RBMS1: variants seen among roughly 807,000 people sequenced by gnomAD.
RBMS1 encodes the protein RNA binding motif single stranded interacting protein 1.
A neutral mutation model predicts 62.3 loss-of-function variants in RBMS1; 17 were observed. The observed-to-expected ratio is 0.27, with a 90% CI of 0.19 to 0.41. The LOEUF is 0.41. RBMS1 is among the 10% of genes least tolerant of loss of function. The pLI, the probability that RBMS1 is intolerant of heterozygous loss-of-function variation, is 1.00. For missense variants in RBMS1, 334 were observed against 504.5 expected (o/e 0.66, Z 3.24); for synonymous variants, 172 against 170.0 (o/e 1.01, Z -0.09).
intron 1 of RBMS1, among the ~76,000 whole-genome samples, chr2:160,397,034 C>T (rs935805785): frequency 9.2e-5 from 14 of 152,162 alleles, no homozygotes; most frequent in Non-Finnish European, 1.9e-4. Flanking sequence ...TCTCAATTTT[C>T]AGAGCATACT....
intron 1 of RBMS1, among the ~76,000 whole-genome samples, chr2:160,449,333 A>G (rs574309022): frequency 2.4e-4 from 36 of 152,378 alleles, no homozygotes; most frequent in African/African-American, 8.7e-4. Flanking sequence ...GGTGTACCCA[A>G]CAGCTCATTG....
At chr2:160,339,243 ACTC>A (rs1691736923) in intron 2 of RBMS1, among the ~76,000 whole-genome samples, 1 of 152,104 alleles carries the variant, frequency 6.6e-6, no homozygotes, top group Admixed American at 6.5e-5. Context: ...CTGTAACACA[ACTC>A]CTTCCAGTCC....
At chr2:160,313,721 A>G (rs975064312) in intron 3 of RBMS1, among the ~76,000 whole-genome samples, 1 of 152,200 alleles carries the variant, frequency 6.6e-6, no homozygotes, top group African/African-American at 2.4e-5. Context: ...AAAAATTTGA[A>G]TAAGTACAAC....
intron 1 of RBMS1, among the ~76,000 whole-genome samples, chr2:160,409,971 G>A (rs963315500): frequency 3.3e-5 from 5 of 152,172 alleles, no homozygotes; most frequent in African/African-American, 9.7e-5. Context: ...GCTCACGCCT[G>A]TAATCCCAGC....
At chr2:160,366,757 T>C (rs1444704609) in intron 2 of RBMS1, among the ~76,000 whole-genome samples, 1 of 152,186 alleles carries the variant, frequency 6.6e-6, no homozygotes, top group African/African-American at 2.4e-5. Flanking sequence ...TGGATGCTAA[T>C]GGGGACAGAC....
At position 160,390,594 on chromosome 2, in the gene RBMS1, G is replaced by T. The variant is rs113987776; in HGVS notation, c.76-23203C>A. Among the ~76,000 whole-genome samples the T allele has an allele frequency of 4.4e-3, 666 of 151,700 alleles. 4 individuals carry two copies. The highest frequency in any genetic ancestry group is 0.015 in the African/African-American group (630 of 41,282). ...GCCTGTGGCCCCAGCTACACAGAAG[G>T]CTGAGGTGGGAAGACCGCTTAAGCC... On this transcript the variant is annotated intron_variant, in intron 1 of 13. Transcript: ENST00000348849.
chr2:160,392,453 C>A, intron 1 of RBMS1, among the ~76,000 whole-genome samples: 1 of 148,246 alleles, frequency 6.7e-6, no homozygotes, highest in Non-Finnish European at 1.5e-5. Flanking sequence ...TACTATCTGG[C>A]CCTTCACAAA....
intron 1 of RBMS1, among the ~76,000 whole-genome samples, chr2:160,456,733 C>T (rs1418474098): frequency 6.6e-6 from 1 of 152,210 alleles, no homozygotes; most frequent in Non-Finnish European, 1.5e-5. Flanking sequence ...TGTCTGTTCC[C>T]TCACTGCCAA....
intron 2 of RBMS1, among the ~76,000 whole-genome samples, chr2:160,349,553 AAGAGAGAGAGAGAG>A (rs372260654): frequency 7.0e-6 from 1 of 142,748 alleles, no homozygotes; most frequent in South Asian, 2.3e-4. Context: ...CAGAGACAGA[AAGAGAGAGAGAGAG>A]AGAGAGAGAG....
intron 1 of RBMS1, among the ~76,000 whole-genome samples, chr2:160,393,347 ACT>A (rs1194104911): frequency 6.6e-6 from 1 of 152,024 alleles, no homozygotes. Context: ...CTTGCTCCAT[ACT>A]CTCTCTTAGA....
chr2:160,445,774 GAC>G (rs1036807721), intron 1 of RBMS1, among the ~76,000 whole-genome samples: 1 of 152,186 alleles, frequency 6.6e-6, no homozygotes, highest in Non-Finnish European at 1.5e-5. Flanking sequence ...GAGAAATTCT[GAC>G]AGTTTCAGAG....
At chr2:160,421,307 C>T (rs1292705285) in intron 1 of RBMS1, among the ~76,000 whole-genome samples, 1 of 151,970 alleles carries the variant, frequency 6.6e-6, no homozygotes, top group Non-Finnish European at 1.5e-5. Context: ...CTTCCCCCAC[C>T]CCACGACAGG....
chr2:160,275,600 C>T (rs1687793202), intron 13 of RBMS1, 30 bp downstream of exon 13: 2 of 1,604,698 alleles, frequency 1.2e-6, no homozygotes, highest in Admixed American at 1.7e-5. Flanking sequence ...TGATTTGAGC[C>T]CCCCAGTTAT....
Position 160,322,822 on chromosome 2 carries a change from T to C in RBMS1, c.252-4595A>G, listed in dbSNP as rs1033205936. Among the ~76,000 whole-genome samples the C allele has an allele frequency of 3.3e-5, 5 of 152,208 alleles. No homozygotes were observed. In the East Asian group the frequency reaches 9.6e-4, roughly 29 times the overall value. Reference sequence around the variant, plus strand: ...CTAAGTTAGCTCCTCAGTGGGCAACTTGGATATCTTATTGTGGCAATGCAG... The same window carrying C: ...CTAAGTTAGCTCCTCAGTGGGCAACCTGGATATCTTATTGTGGCAATGCAG... On this transcript the variant is annotated intron_variant, in intron 2 of 13. Coordinates refer to ENST00000348849, the MANE Select transcript of RBMS1 (RefSeq NM_016836.4).
At chr2:160,484,388 G>A (rs544417524) in intron 1 of RBMS1, among the ~76,000 whole-genome samples, 64 of 142,106 alleles carry the variant, frequency 4.5e-4, no homozygotes, top group Middle Eastern at 4.3e-3. Flanking sequence ...CCAGCTACTC[G>A]GGATGCTGAG....
At chr2:160,489,548 A>G (rs891892432) in intron 1 of RBMS1, among the ~76,000 whole-genome samples, 13 of 152,300 alleles carry the variant, frequency 8.5e-5, no homozygotes, top group East Asian at 1.9e-4. Context: ...AAATGCATGC[A>G]AAAGTTCAAT....
At chr2:160,445,055 A>G (rs1301820435) in intron 1 of RBMS1, among the ~76,000 whole-genome samples, 1 of 152,174 alleles carries the variant, frequency 6.6e-6, no homozygotes, top group Non-Finnish European at 1.5e-5. Flanking sequence ...AGACTTCCAA[A>G]TAAGGGGAGA....
chr2:160,316,343 C>A (rs1690219905), intron 3 of RBMS1, among the ~76,000 whole-genome samples: 1 of 152,098 alleles, frequency 6.6e-6, no homozygotes, highest in Non-Finnish European at 1.5e-5. Flanking sequence ...AAGCAGAGAG[C>A]CCTGGAAGGT....
intron 1 of RBMS1, among the ~76,000 whole-genome samples, chr2:160,448,305 C>A (rs1198445741): frequency 6.6e-6 from 1 of 150,412 alleles, no homozygotes; most frequent in African/African-American, 2.4e-5. Flanking sequence ...CCCTCCCCCT[C>A]TCCCGTCTCC....
Sources: gnomAD v4.1 joint callset for allele counts (sites outside exome capture counted in the v4.1 genomes callset) on GRCh38, gnomAD v4.1.1 for gene constraint, MANE v1.5 for transcripts, NCBI Gene and HGNC (gene_info 2026-07-23, HGNC 2026-07-21) for gene names.